Variants in TASOR2 observed in about 807,000 individuals in gnomAD.
TASOR2 encodes transcription activation suppressor family member 2.
A neutral mutation model predicts 199.5 loss-of-function variants in TASOR2; 84 were observed. The ratio of observed to expected loss-of-function variants is 0.42; its 90% confidence interval spans 0.35 to 0.50. The LOEUF is 0.50. Ranked by LOEUF, TASOR2 falls within the 20% of genes least tolerant of loss-of-function variation. The pLI, the probability that TASOR2 is intolerant of heterozygous loss-of-function variation, is 0.02. For missense variants in TASOR2, 2,796 were observed against 2,835.9 expected (o/e 0.99, Z 0.32); for synonymous variants, 1,103 against 1,046.6 (o/e 1.05, Z -1.04).
At chr10:5,749,184 C>T (rs758609150) in exon 15 of TASOR2, 6 of 1,613,936 alleles carry the variant, frequency 3.7e-6, no homozygotes, top group African/African-American at 1.3e-5. Flanking sequence ...TCCACGGGAT[C>T]CTCAGGACTT....
Position 5,748,177 on chromosome 10 carries a change from T to G in TASOR2, c.4756T>G (p.Ser1586Ala), listed in dbSNP as rs1330294878. Residue 1586 changes from serine (S) to alanine (A), a missense_variant, in exon 15 of 21, where the codon TCT (serine) becomes GCT (alanine). Transcript: ENST00000328090. This position sits in a 1 kb window ranked among gnomAD's most constrained non-coding sequence, Gnocchi z 5.1. The stretch of plus-strand genomic sequence containing the variant: ...TCCTAGAAATGTTATTGAAAATAAG[T>G]CTTTGTCTGACACATTGGTTTCCAC... 6.2e-7 allele frequency: 1 copy of G among 1,614,228 alleles called. No homozygotes were observed. Among genetic ancestry groups the G allele is most frequent in the Admixed American group, 1.7e-5 (1 of 60,028 alleles).
chr10:5,714,077 G>T, intron 2 of TASOR2, 58 bp from the exon 3 acceptor site: 4 of 882,066 alleles, frequency 4.5e-6, no homozygotes, highest in Non-Finnish European at 6.0e-6. Context: ...AAACCTTACA[G>T]ATTATAGCAT....
At chr10:5,700,405 T>TACGGGA (rs1251579129) in intron 1 of TASOR2, among the ~76,000 whole-genome samples, 2 of 152,278 alleles carry the variant, frequency 1.3e-5, no homozygotes, top group East Asian at 3.9e-4. Context: ...GGAGTGCAGA[T>TACGGGA]GTCTTTTTGA....
intron 1 of TASOR2, chr10:5,692,766 T>A (rs1248042538): frequency 1.3e-5 from 2 of 152,196 alleles, no homozygotes; most frequent in Non-Finnish European, 2.9e-5. Context: ...CCTTGTTGAC[T>A]TTCAAAAGGC....
exon 10 of TASOR2, chr10:5,727,121 C>G (rs1834145857): frequency 1.2e-6 from 2 of 1,614,046 alleles, no homozygotes. Context: ...CCCCTGTCAA[C>G]AGGTGAGGAT....
At chr10:5,694,997 A>G (rs1023126312) in intron 1 of TASOR2, among the ~76,000 whole-genome samples, 3 of 152,226 alleles carry the variant, frequency 2.0e-5, no homozygotes, top group African/African-American at 4.8e-5. Flanking sequence ...TTTTATATCA[A>G]TATTCATAAG....
At chr10:5,705,060 T>C (rs912966057) in intron 1 of TASOR2, among the ~76,000 whole-genome samples, 3 of 152,240 alleles carry the variant, frequency 2.0e-5, no homozygotes, top group Non-Finnish European at 2.9e-5. Context: ...CAGTGAATTT[T>C]GGTAAATGTA....
At chr10:5,703,627 C>T (rs1009627937) in intron 1 of TASOR2, among the ~76,000 whole-genome samples, 1 of 151,306 alleles carries the variant, frequency 6.6e-6, no homozygotes, top group Non-Finnish European at 1.5e-5. Context: ...CCTCAGCCTC[C>T]CGAGTATCTG....
chr10:5,715,796 C>T (rs899346151), intron 2 of TASOR2, among the ~76,000 whole-genome samples: 2 of 152,146 alleles, frequency 1.3e-5, no homozygotes, highest in Admixed American at 6.5e-5. Context: ...GCACACATCA[C>T]CATGCATAAC....
intron 2 of TASOR2, among the ~76,000 whole-genome samples, chr10:5,715,591 A>C (rs1832519748): frequency 6.6e-6 from 1 of 152,048 alleles, no homozygotes; most frequent in Admixed American, 6.6e-5. Context: ...ACAGTCCTGC[A>C]GCACTTAACA....
intron 20 of TASOR2, 80 bp downstream of exon 21, chr10:5,762,726 A>G (rs1325588156): frequency 2.0e-5 from 15 of 768,192 alleles, no homozygotes; most frequent in African/African-American, 3.6e-5. Flanking sequence ...TCTAAGGGAA[A>G]CAGTTGGGAA....
rs1266991664 is a variant in TASOR2 at position 5,737,906 on chromosome 10, G to A, written c.1448-1712G>A. ...TGTGTGTTCAAATACAGGCTGATTTGTATTGCAAATGTCTGTAGGTATTGT... is the reference window on the plus strand; with the variant it reads ...TGTGTGTTCAAATACAGGCTGATTTATATTGCAAATGTCTGTAGGTATTGT... On this transcript the variant is annotated intron_variant, in intron 12 of 20. Transcript: ENST00000328090. The surrounding 1 kb of genome is among the most constrained non-coding windows in gnomAD (Gnocchi z 4.9). Among the ~76,000 whole-genome samples, 1 of 152,166 alleles carries A rather than the reference G, an allele frequency of 6.6e-6. No individual in the cohort carries two copies. The highest frequency in any genetic ancestry group is 1.5e-5 in the Non-Finnish European group (1 of 68,008).
chr10:5,749,111 A>G (rs1262503716), exon 15 of TASOR2: 1 of 1,614,076 alleles, frequency 6.2e-7, no homozygotes, highest in East Asian at 2.2e-5. Context: ...CCTCCCGGGC[A>G]CTGGACTGCT....
chr10:5,749,848 A>T (rs1348663771), exon 15 of TASOR2: 1 of 1,614,228 alleles, frequency 6.2e-7, no homozygotes, highest in East Asian at 2.2e-5. Context: ...TGGAGAAGCC[A>T]CTGCTCAAGA....
intron 14 of TASOR2, among the ~76,000 whole-genome samples, chr10:5,743,470 G>A (rs1015154600): frequency 7.9e-5 from 12 of 152,160 alleles, no homozygotes; most frequent in African/African-American, 2.4e-4. Context: ...CATAGATGAC[G>A]AGACTAAAGC....
chr10:5,746,180 TAAC>T (rs1309423019), exon 15 of TASOR2: 4 of 1,511,078 alleles, frequency 2.6e-6, no homozygotes. Flanking sequence ...CCGTTTCAGG[TAAC>T]TGGGGAAGAA....
In TASOR2 at chr10:5,727,050, A is replaced by G. The variant is rs751721740; in HGVS notation, c.425-11A>G. 6.2e-7 allele frequency: 1 copy of G among 1,614,098 alleles called. No homozygotes were observed. Among genetic ancestry groups the G allele is most frequent in the Non-Finnish European group, 8.5e-7 (1 of 1,179,986 alleles). The stretch of plus-strand genomic sequence containing the variant: ...CCTAACTTTTCTTCTTCTGATTCTC[A>G]TTCTGCATAGATTTTGGAGGCAAGC... On this transcript the variant is annotated splice_polypyrimidine_tract_variant and intron_variant, in intron 9 of 20. Transcript: ENST00000328090.
intron 11 of TASOR2, among the ~76,000 whole-genome samples, chr10:5,732,374 G>C (rs1564315330): frequency 6.6e-6 from 1 of 152,264 alleles, no homozygotes; most frequent in Admixed American, 6.5e-5. Flanking sequence ...AGCTGTGACA[G>C]AAGCCACATG....
At chr10:5,695,929 T>TCCAG (rs1360676141) in intron 1 of TASOR2, among the ~76,000 whole-genome samples, 3 of 152,128 alleles carry the variant, frequency 2.0e-5, no homozygotes, top group African/African-American at 7.2e-5. Flanking sequence ...ATAGAAGGGT[T>TCCAG]GGTTGATGGT....
Sources: gnomAD v4.1 joint callset for allele counts (sites outside exome capture counted in the v4.1 genomes callset) on GRCh38, gnomAD v4.1.1 for gene constraint, Gnocchi (gnomAD v3.1) non-coding constraint, MANE v1.5 for transcripts, NCBI Gene and HGNC (gene_info 2026-07-23, HGNC 2026-07-21) for gene names.